The following NEK1 variants were observed in gnomAD, a reference collection of about 807,000 sequenced individuals.
NEK1 encodes the protein serine/threonine-protein kinase Nek1.
NEK1 carries 137 observed loss-of-function variants against 182.1 expected under a neutral mutation model. That is an observed-to-expected ratio of 0.75 (90% confidence interval 0.65 to 0.87). The LOEUF (loss-of-function observed/expected upper bound fraction) is 0.87, where lower values mean the gene tolerates loss of function less well. NEK1 is among the 40% of genes least tolerant of loss of function. The probability of loss-of-function intolerance (pLI) is 0.00; values close to 1 mark genes in which losing one functional copy is unlikely to be tolerated. For missense variants in NEK1, 1,391 were observed against 1,494.4 expected, an observed-to-expected ratio of 0.93 and a Z score of 1.14; for synonymous variants, 513 against 492.2, an observed-to-expected ratio of 1.04 and a Z score of -0.56.
intron 8 of NEK1, 121 bp from the exon 9 acceptor site, chr4:169,587,734 A>T (rs1767765500): frequency 1.9e-6 from 1 of 528,458 alleles, no homozygotes; most frequent in Admixed American, 3.7e-5. Context: ...TTTCCTTTAA[A>T]ACTAAAAATT....
At chr4:169,507,362 T>C (rs1285582734) in intron 22 of NEK1, among the ~76,000 whole-genome samples, 1 of 152,056 alleles carries the variant, frequency 6.6e-6, no homozygotes, top group Non-Finnish European at 1.5e-5. Flanking sequence ...TAAAGGCAGG[T>C]ATATTTGAAT....
intron 23 of NEK1, among the ~76,000 whole-genome samples, chr4:169,498,937 T>C (rs973675673): frequency 1.1e-4 from 16 of 152,350 alleles, no homozygotes; most frequent in African/African-American, 3.4e-4. Context: ...ATTTCCTGAA[T>C]ATGAATGTTG....
intron 12 of NEK1, among the ~76,000 whole-genome samples, chr4:169,571,188 AAATAAAT>A (rs1764777920): frequency 1.1e-5 from 1 of 89,868 alleles, no homozygotes; most frequent in Admixed American, 9.5e-5. Flanking sequence ...AAAAATAAAT[AAATAAAT>A]AAATAAATAA....
intron 5 of NEK1, among the ~76,000 whole-genome samples, chr4:169,592,550 G>T (rs988235194): frequency 6.6e-6 from 1 of 152,110 alleles, no homozygotes; most frequent in African/African-American, 2.4e-5. Context: ...AGGAAAGAAG[G>T]AATAAAGGAA....
chr4:169,438,733 G>GAAAAT (rs1561188234), intron 27 of NEK1, among the ~76,000 whole-genome samples: 6 of 152,104 alleles, frequency 3.9e-5, no homozygotes, highest in African/African-American at 1.2e-4. Context: ...TTAATCCGTT[G>GAAAAT]AAGATTTTAC....
chr4:169,435,408 T>G (rs994483495), intron 28 of NEK1, among the ~76,000 whole-genome samples: 2 of 152,120 alleles, frequency 1.3e-5, no homozygotes, highest in East Asian at 3.8e-4. Flanking sequence ...GGGAACAAAC[T>G]TTCGTTCCAT....
At chr4:169,505,611 C>A (rs1165761843) in intron 23 of NEK1, among the ~76,000 whole-genome samples, 1 of 152,164 alleles carries the variant, frequency 6.6e-6, no homozygotes, top group Non-Finnish European at 1.5e-5. Context: ...GGCCAATGCC[C>A]CAACCCCCAT....
chr4:169,553,959 T>G (rs1387167179), intron 18 of NEK1: 3 of 152,168 alleles, frequency 2.0e-5, no homozygotes, highest in Non-Finnish European at 4.4e-5. Context: ...AACATACTCT[T>G]AAGACATGAT....
At chr4:169,533,242 T>C (rs1327426076) in intron 19 of NEK1, among the ~76,000 whole-genome samples, 2 of 152,202 alleles carry the variant, frequency 1.3e-5, no homozygotes, top group African/African-American at 4.8e-5. Flanking sequence ...AATCATAGTC[T>C]TCTCTGGCTG....
chr4:169,414,700 G>A (rs1028919958), intron 31 of NEK1, among the ~76,000 whole-genome samples: 7 of 152,124 alleles, frequency 4.6e-5, no homozygotes, highest in Non-Finnish European at 1.0e-4. Context: ...CCTGACCTCT[G>A]CTCCAGATAT....
chr4:169,573,978 T>C (rs1474730377), intron 12 of NEK1, among the ~76,000 whole-genome samples: 17 of 151,844 alleles, frequency 1.1e-4, no homozygotes, highest in Admixed American at 1.1e-3. Context: ...CTGGGTAACA[T>C]AGTGCAACCC....
At chr4:169,407,996 G>C (rs1264447342) in intron 31 of NEK1, among the ~76,000 whole-genome samples, 2 of 152,160 alleles carry the variant, frequency 1.3e-5, no homozygotes, top group Admixed American at 1.3e-4. Flanking sequence ...TTCTTTTGCT[G>C]AATTTCCCAC....
intron 19 of NEK1, among the ~76,000 whole-genome samples, chr4:169,523,344 G>A (rs1756397457): frequency 6.6e-6 from 1 of 152,142 alleles, no homozygotes; most frequent in African/African-American, 2.4e-5. Context: ...AAGTTAAAAT[G>A]AGGTCATCAG....
intron 19 of NEK1, among the ~76,000 whole-genome samples, chr4:169,523,909 G>A (rs540614087): frequency 6.6e-6 from 1 of 152,224 alleles, no homozygotes; most frequent in Admixed American, 6.5e-5. Context: ...ATTTTGTAAG[G>A]TAGGTTTTCC....
intron 27 of NEK1, among the ~76,000 whole-genome samples, chr4:169,442,918 G>A (rs1333078917): frequency 6.6e-6 from 1 of 151,972 alleles, no homozygotes; most frequent in Non-Finnish European, 1.5e-5. Context: ...TGTGCCTATA[G>A]CCATAGCTAG....
At chr4:169,495,174 G>GTA (rs1169210205) in intron 23 of NEK1, among the ~76,000 whole-genome samples, 2 of 149,910 alleles carry the variant, frequency 1.3e-5, no homozygotes, top group Non-Finnish European at 3.0e-5. Context: ...CCATGTCTAT[G>GTA]TACTGAATGG....
chr4:169,435,430 T>C (rs548610219), intron 28 of NEK1, among the ~76,000 whole-genome samples: 11 of 152,342 alleles, frequency 7.2e-5, no homozygotes, highest in African/African-American at 2.6e-4. Flanking sequence ...ATGATACTAG[T>C]AACTATGTTC....
chr4:169,413,401 G>C (rs763529971), intron 31 of NEK1, among the ~76,000 whole-genome samples: 17 of 151,982 alleles, frequency 1.1e-4, no homozygotes, highest in Non-Finnish European at 2.4e-4. Context: ...TCAAACTCCT[G>C]GGTTCAAGTG....
At chr4:169,602,277 T>A (rs1377889844) in intron 3 of NEK1, among the ~76,000 whole-genome samples, 173 bp from the exon 4 acceptor site, 1 of 152,138 alleles carries the variant, frequency 6.6e-6, no homozygotes, top group Non-Finnish European at 1.5e-5. Flanking sequence ...TTTTAAGATG[T>A]CCAAACTAGA....
Sources: allele counts gnomAD v4.1 joint callset (sites outside exome capture counted in the v4.1 genomes callset), GRCh38; gene constraint gnomAD v4.1.1; transcripts MANE v1.5; gene names NCBI Gene and HGNC (gene_info 2026-07-23, HGNC 2026-07-21).